The following COL12A1 variants were observed in gnomAD, a reference collection of about 807,000 sequenced individuals.
The protein encoded by COL12A1 is collagen type XII alpha 1 chain.
Under a neutral mutation model 349.7 loss-of-function variants are expected in COL12A1, and 114 were observed. The ratio of observed to expected loss-of-function variants is 0.33; its 90% confidence interval spans 0.28 to 0.38. COL12A1 has a LOEUF of 0.38. Ranked by LOEUF, COL12A1 falls within the 10% of genes least tolerant of loss-of-function variation. The probability of loss-of-function intolerance (pLI) is 1.00; values close to 1 mark genes in which losing one functional copy is unlikely to be tolerated. For synonymous variants in COL12A1, 1,369 were observed against 1,329.0 expected, an observed-to-expected ratio of 1.03 and a Z score of -0.66; for missense variants, 3,284 against 3,756.9, an observed-to-expected ratio of 0.87 and a Z score of 3.29.
intron 2 of COL12A1, among the ~76,000 whole-genome samples, chr6:75,200,551 C>A (rs143595365): frequency 6.6e-6 from 1 of 152,216 alleles, no homozygotes; most frequent in African/African-American, 2.4e-5. Flanking sequence ...CCAGCCTGGG[C>A]AACAGAGCGA....
Position 75,184,024 on chromosome 6 carries a change from G to T in COL12A1, c.1118C>A (p.Ala373Glu), listed in dbSNP as rs1769476902. ...GYKVILTPMT[A>E]GSRQHALSVG... is the part of the protein sequence containing the mutation. ...ACTCAGAGCGTGCTGTCGGCTTCCT[G>T]CAGTCATTGGTGTGAGGATGACTTT... is the stretch of plus-strand genomic sequence containing the variant. Residue 373 changes from alanine to glutamate, a missense_variant, in exon 9 of 66, where the codon GCA (alanine) becomes GAA (glutamate). Coordinates refer to ENST00000322507, the MANE Select transcript of COL12A1 (RefSeq NM_004370.6). The T allele has an allele frequency of 6.2e-7, 1 of 1,614,062 alleles. No homozygotes were observed. Among genetic ancestry groups the T allele is most frequent in the Non-Finnish European group, 8.5e-7 (1 of 1,180,038 alleles).
intron 11 of COL12A1, among the ~76,000 whole-genome samples, chr6:75,179,815 T>C (rs1321682559): frequency 6.6e-6 from 1 of 152,222 alleles, no homozygotes; most frequent in Non-Finnish European, 1.5e-5. Context: ...ACTAACCAAC[T>C]TAAATTGGTG....
chr6:75,186,207 C>T (rs1229045494), intron 8 of COL12A1, among the ~76,000 whole-genome samples: 1 of 152,144 alleles, frequency 6.6e-6, no homozygotes. Context: ...AAAATTTTTG[C>T]AAACTATGCA....
chr6:75,140,573 G>A (rs1003580129), intron 27 of COL12A1, among the ~76,000 whole-genome samples: 1 of 149,806 alleles, frequency 6.7e-6, no homozygotes, highest in African/African-American at 2.5e-5. Flanking sequence ...GGATAATGGC[G>A]TGAACCTGGG....
At chr6:75,197,224 A>G (rs1273023652) in intron 2 of COL12A1, among the ~76,000 whole-genome samples, 1 of 152,230 alleles carries the variant, frequency 6.6e-6, no homozygotes, top group Admixed American at 6.5e-5. Context: ...TTTCTTTTAC[A>G]TAAAAATAAT....
chr6:75,106,443 G>A lies in COL12A1; in HGVS notation c.8154C>T (p.Asp2718=). The change falls in exon 53 of 66, where the codon GAC becomes GAT. Residue 2718 remains aspartate, a synonymous_variant. Coordinates refer to ENST00000322507, the MANE Select transcript of COL12A1 (RefSeq NM_004370.6). ...CCCTAGAGGGAATATCACAGCATCT[G>A]TCTCTACTGGTCCACACTGGACTGC... ...IVCSPVWTSR[D]RCCDIPSRRD... is the part of the protein sequence containing the mutation. 6.2e-7 allele frequency: 1 copy of A among 1,613,894 alleles called. No homozygotes were observed. The highest frequency in any genetic ancestry group is 8.5e-7 in the Non-Finnish European group (1 of 1,179,826).
intron 46 of COL12A1, 137 bp from the exon 47 acceptor site, chr6:75,117,683 A>G: frequency 1.3e-6 from 1 of 756,396 alleles, no homozygotes; most frequent in South Asian, 2.6e-5. Flanking sequence ...CTTGACGTGA[A>G]CTCTCTTTAA....
In COL12A1 at chr6:75,087,644, T is replaced by C. The variant is rs769193105; in HGVS notation, c.9114A>G (p.Pro3038=). The change falls in exon 65 of 66, where the codon CCA becomes CCG. Residue 3038 remains proline (P), a synonymous_variant. Coordinates refer to ENST00000322507, the MANE Select transcript of COL12A1 (RefSeq NM_004370.6). ...RPGNSGIRGP[P]GPPGYCDSSQ... ...AAGAATCACAGTATCCAGGAGGACCTGGGGGTCCTCGGATACCTGAGTTTC... is the reference window on the plus strand; with the variant it reads ...AAGAATCACAGTATCCAGGAGGACCCGGGGGTCCTCGGATACCTGAGTTTC... 6 of 1,612,334 alleles carry C rather than the reference T, an allele frequency of 3.7e-6. No homozygotes were observed. The highest frequency in any genetic ancestry group is 5.1e-6 in the Non-Finnish European group (6 of 1,179,270).
rs772062375 is a variant in COL12A1 at position 75,180,923 on chromosome 6, A to G, written c.2164+16T>C. On this transcript the variant is annotated intron_variant, in intron 11 of 65. Coordinates refer to ENST00000322507, the MANE Select transcript of COL12A1 (RefSeq NM_004370.6). ...TATTCATTTTCTGAATAACAGTGGCAGAAACCCCATCACACCTTCTTCGGT... is the reference window on the plus strand; with the variant it reads ...TATTCATTTTCTGAATAACAGTGGCGGAAACCCCATCACACCTTCTTCGGT... 2 of 1,601,230 alleles carry G rather than the reference A, an allele frequency of 1.2e-6. No individual in the cohort carries two copies. The highest frequency in any genetic ancestry group is 2.2e-5 in the East Asian group (1 of 44,582).
At chr6:75,120,157 A>T (rs965466319) in intron 44 of COL12A1, among the ~76,000 whole-genome samples, 4 of 152,162 alleles carry the variant, frequency 2.6e-5, no homozygotes, top group African/African-American at 9.6e-5. Context: ...TATTTTTTTT[A>T]GAAATACAAA....
At chr6:75,121,076 A>G (rs537259081) in intron 44 of COL12A1, among the ~76,000 whole-genome samples, 12 of 152,334 alleles carry the variant, frequency 7.9e-5, no homozygotes, top group African/African-American at 2.9e-4. Flanking sequence ...AAGTTCTCCA[A>G]CAGGAATATT....
In COL12A1 at chr6:75,147,677, GT is replaced by G; in HGVS notation, c.4414del (p.Thr1472ProfsTer6). The G allele has an allele frequency of 6.3e-7, 1 of 1,596,112 alleles. No homozygotes were observed. The highest frequency in any genetic ancestry group is 1.2e-5 in the South Asian group (1 of 86,786). ...AACAATTTTTTAATCTGACTCACAG[GT>G]TTTTTCTGTCCCCTTCAGAGGCTCA... ...YSEPLKGTEK[T>X]LPVPVVSLNI... On this transcript the variant is annotated frameshift_variant, in exon 23 of 66. Transcript: ENST00000322507. LOFTEE classifies it high-confidence loss of function.
In COL12A1 at chr6:75,124,221, C is replaced by T. The variant is rs759432571; in HGVS notation, c.6724+34G>A. Reference sequence around the variant, plus strand: ...AAATTTAAAATGTTTCCACTACATGCTCCAGATCATTTTTTTCTTTTTTAC... The same window carrying T: ...AAATTTAAAATGTTTCCACTACATGTTCCAGATCATTTTTTTCTTTTTTAC... On this transcript the variant is annotated intron_variant, in intron 41 of 65. Coordinates refer to ENST00000322507, the MANE Select transcript of COL12A1 (RefSeq NM_004370.6). The T allele has an allele frequency of 6.2e-6, 10 of 1,601,820 alleles. No individual in the cohort carries two copies. The Admixed American group carries it at 8.5e-5, about 14-fold the overall frequency.
intron 7 of COL12A1, 79 bp from the exon 8 acceptor site, chr6:75,188,614 C>T: frequency 6.9e-7 from 1 of 1,443,134 alleles, no homozygotes; most frequent in Non-Finnish European, 9.5e-7. Context: ...TTTTCTCCAT[C>T]TTTCACAACT....
intron 8 of COL12A1, among the ~76,000 whole-genome samples, chr6:75,186,186 C>A (rs1470415536): frequency 6.6e-5 from 10 of 152,128 alleles, no homozygotes; most frequent in Non-Finnish European, 7.4e-5. Flanking sequence ...AGACAACATA[C>A]AAAATGGGAG....
Position 75,086,483 on chromosome 6 carries a change from C to A in COL12A1, c.*64G>T. ...ATTTCCTAATAAGCACGTGCGCAAACATCTCAGAAACAGGATTTTCATGTA... is the reference window on the plus strand; with the variant it reads ...ATTTCCTAATAAGCACGTGCGCAAAAATCTCAGAAACAGGATTTTCATGTA... On this transcript the variant is annotated 3_prime_UTR_variant, in exon 66 of 66. Transcript: ENST00000322507. The A allele has an allele frequency of 6.6e-7, 1 of 1,506,684 alleles. No individual in the cohort carries two copies. The highest frequency in any genetic ancestry group is 9.1e-7 in the Non-Finnish European group (1 of 1,100,478). The allele number at this position is 1,506,684 out of a possible 1,614,324, so 93.3% of individuals were successfully genotyped here.
intron 13 of COL12A1, among the ~76,000 whole-genome samples, chr6:75,169,187 T>C (rs1768489566): frequency 6.6e-6 from 1 of 152,210 alleles, no homozygotes; most frequent in Non-Finnish European, 1.5e-5. Context: ...CTTGGTTCAA[T>C]ACATTGTCAT....
At position 75,113,285 on chromosome 6, in the gene COL12A1, G is replaced by T. The variant is rs201337277; in HGVS notation, c.7869C>A (p.Asn2623Lys). The T allele has an allele frequency of 1.8e-5, 28 of 1,557,472 alleles. No homozygotes were observed. The highest frequency in any genetic ancestry group is 3.4e-4 in the Middle Eastern group (2 of 5,928). ...TTTGCACCTCGCCTCTTGTATCCTT[G>T]TTAAAGAATGATAACGTCTTGCTAG... ...DPSSKTLSFFNKDTRGEVQTV... is the reference protein window; with the variant it reads ...DPSSKTLSFFKKDTRGEVQTV... Residue 2623 changes from asparagine (N) to lysine (K), a missense_variant, in exon 51 of 66, where the codon AAC becomes AAA. By Grantham distance (94) the Asn-to-Lys change is moderately conservative. This residue lies in a region of COL12A1 where 683 missense variants were observed against 932.1 expected (regional missense o/e 0.73). Transcript: ENST00000322507.
Position 75,113,306 on chromosome 6 carries a change from G to C in COL12A1, c.7848C>G (p.Ser2616Arg). The C allele has an allele frequency of 6.5e-7, 1 of 1,543,468 alleles. No individual in the cohort carries two copies. Among genetic ancestry groups the C allele is most frequent in the South Asian group, 1.3e-5 (1 of 78,604 alleles). The change falls in exon 51 of 66, where the codon AGC (serine) becomes AGG (arginine). Residue 2616 changes from serine to arginine, a missense_variant. Transcript: ENST00000322507. ...PQVGVIADPS[S>R]KTLSFFNKDT... ...CCTTGTTAAAGAATGATAACGTCTT[G>C]CTAGAAGCTGTAATCAACATAAAAG...
Sources: gnomAD v4.1 joint callset for allele counts (sites outside exome capture counted in the v4.1 genomes callset) on GRCh38, gnomAD v4.1.1 for gene constraint, gnomAD v4.1.1 regional missense constraint, MANE v1.5 for transcripts, NCBI Gene and HGNC (gene_info 2026-07-23, HGNC 2026-07-21) for gene names.